Variants in VEGFC observed in about 807,000 individuals in gnomAD.
The protein encoded by VEGFC is FLT4 ligand DHM.
A neutral mutation model predicts 46.1 loss-of-function variants in VEGFC; 12 were observed. The ratio of observed to expected loss-of-function variants is 0.26; its 90% CI spans 0.17 to 0.42. VEGFC has a LOEUF of 0.42. Ranked by LOEUF, VEGFC falls within the 10% of genes least tolerant of loss-of-function variation. VEGFC has a pLI of 1.00. For missense variants in VEGFC, 488 were observed against 529.4 expected (o/e 0.92, Z 0.77); for synonymous variants, 232 against 195.5 (o/e 1.19, Z -1.56).
intron 5 of VEGFC, 135 bp from the exon 6 acceptor site, chr4:176,687,655 T>C: frequency 9.6e-7 from 1 of 1,041,928 alleles, no homozygotes; most frequent in Non-Finnish European, 1.4e-6. Context: ...GTATGTTCCT[T>C]TATAAAGGAG....
chr4:176,754,094 T>C (rs767002372), intron 1 of VEGFC, among the ~76,000 whole-genome samples: 3 of 152,008 alleles, frequency 2.0e-5, no homozygotes, highest in Non-Finnish European at 4.4e-5. Flanking sequence ...TAGAGAGTAA[T>C]TAGGCAGAAT....
chr4:176,792,268 G>A lies in VEGFC; in HGVS notation c.44C>T (p.Ala15Val). 1.9e-6 allele frequency: 3 copies of A among 1,554,650 alleles called. No homozygotes were observed. The highest frequency in any genetic ancestry group is 1.7e-6 in the Non-Finnish European group (2 of 1,152,704). The change falls in exon 1 of 7, where the codon GCC becomes GTC. Residue 15 changes from alanine to valine, a missense_variant. Coordinates refer to ENST00000618562, the MANE Select transcript of VEGFC (RefSeq NM_005429.5). This position sits in a 1 kb window ranked among gnomAD's most constrained non-coding sequence, Gnocchi z 6.3. ...GCGAGGACCCGGGAGCAGCGCAGCG[G>A]CGAGCAGAGAACACGCCACAGAGAA... ...GFFSVACSLL[A>V]AALLPGPREA...
intron 3 of VEGFC, among the ~76,000 whole-genome samples, chr4:176,721,894 G>C (rs1466018898): frequency 1.3e-5 from 2 of 152,060 alleles, no homozygotes; most frequent in African/African-American, 4.8e-5. Flanking sequence ...AAGTAGATGA[G>C]AAAATACAAG....
chr4:176,697,759 G>A (rs1473819125), intron 4 of VEGFC, among the ~76,000 whole-genome samples: 6 of 151,522 alleles, frequency 4.0e-5, no homozygotes, highest in African/African-American at 1.2e-4. Context: ...TGATAGACTG[G>A]ATTAAGAAAA....
At chr4:176,777,210 A>C (rs890243162) in intron 1 of VEGFC, among the ~76,000 whole-genome samples, 1 of 152,062 alleles carries the variant, frequency 6.6e-6, no homozygotes. Flanking sequence ...CCAGCTACTC[A>C]GGAGGCTGAG....
intron 4 of VEGFC, among the ~76,000 whole-genome samples, chr4:176,709,590 G>C (rs1221685730): frequency 2.6e-5 from 4 of 152,170 alleles, no homozygotes; most frequent in Non-Finnish European, 5.9e-5. Context: ...GCCAGGGCCA[G>C]AATAGAAACA....
Position 176,729,467 on chromosome 4 carries a change from C to T in VEGFC, c.361+66G>A, listed in dbSNP as rs950785022. On this transcript the variant is annotated intron_variant, in intron 2 of 6. Coordinates refer to ENST00000618562, the MANE Select transcript of VEGFC (RefSeq NM_005429.5). ...TGATACAAACACTGAAATTAAAGAACCAGGCTGGCAACTTCTACTGGTTTG... is the reference window on the plus strand; with the variant it reads ...TGATACAAACACTGAAATTAAAGAATCAGGCTGGCAACTTCTACTGGTTTG... 2.8e-6 allele frequency: 4 copies of T among 1,412,956 alleles called. No individual in the cohort carries two copies. The African/African-American group carries it at 5.8e-5, about 20-fold the overall frequency. 87.5% of individuals were successfully genotyped at this position (1,412,956 alleles called of 1,614,324 possible).
rs66870525 is a variant in VEGFC at position 176,784,063 on chromosome 4, G to GTTTTTT, written c.147+8096_147+8101dup. Among the ~76,000 whole-genome samples the GTTTTTT allele has an allele frequency of 1.5e-4, 7 of 45,884 alleles. 1 individual carries two copies. Among genetic ancestry groups the GTTTTTT allele is most frequent in the South Asian group, 1.0e-3 (1 of 958 alleles). 30.1% of individuals were successfully genotyped at this position (45,884 alleles called of 152,430 possible). On this transcript the variant is annotated intron_variant, in intron 1 of 6. Coordinates refer to ENST00000618562, the MANE Select transcript of VEGFC (RefSeq NM_005429.5). ...AGGGCTTTATATGTATGCACATGCTGTTTTTTTTTTTTTTTTTTTGAAACA... is the reference window on the plus strand; with the variant it reads ...AGGGCTTTATATGTATGCACATGCTGTTTTTTTTTTTTTTTTTTTTTTTTTGAAACA...
intron 3 of VEGFC, among the ~76,000 whole-genome samples, chr4:176,722,489 T>TC (rs1734804989): frequency 5.4e-5 from 1 of 18,614 alleles, no homozygotes; most frequent in Admixed American, 1.1e-3. Flanking sequence ...TTTTCTTTTG[T>TC]TTTTTTTTTG....
intron 1 of VEGFC, among the ~76,000 whole-genome samples, chr4:176,758,896 C>T (rs1339962687): frequency 6.6e-6 from 1 of 152,130 alleles, no homozygotes; most frequent in Non-Finnish European, 1.5e-5. Flanking sequence ...TGTTATTTAG[C>T]TTCCAGTGGC....
chr4:176,744,540 T>G (rs1028277220), intron 1 of VEGFC, among the ~76,000 whole-genome samples: 7 of 152,022 alleles, frequency 4.6e-5, no homozygotes, highest in Non-Finnish European at 1.0e-4. Context: ...TGTTCCTGTA[T>G]AGCCTTAGGA....
Position 176,792,605 on chromosome 4 carries a change from C to T in VEGFC, c.-294G>A, listed in dbSNP as rs949624016. 3.4e-6 allele frequency: 1 copy of T among 296,526 alleles called. No homozygotes were observed. The highest frequency in any genetic ancestry group is 6.2e-6 in the Non-Finnish European group (1 of 161,922). 18.4% of individuals were successfully genotyped at this position (296,526 alleles called of 1,614,324 possible). ...CGGAGCCCGCGAGGTGAAGCGAGGG[C>T]GAGGGAGGACGCCGCCGCGGTCCGC... On this transcript the variant is annotated 5_prime_UTR_variant, in exon 1 of 7. Transcript: ENST00000618562. This position sits in a 1 kb window ranked among gnomAD's most constrained non-coding sequence, Gnocchi z 6.3.
At chr4:176,710,998 TAAG>T (rs755197287) in intron 4 of VEGFC, among the ~76,000 whole-genome samples, 2 of 152,048 alleles carry the variant, frequency 1.3e-5, no homozygotes, top group Non-Finnish European at 2.9e-5. Context: ...ATTGCTGAAA[TAAG>T]AAACATGGAG....
At chr4:176,684,578 CAG>C (rs1188874373) in intron 6 of VEGFC, among the ~76,000 whole-genome samples, 3 of 152,164 alleles carry the variant, frequency 2.0e-5, no homozygotes, top group African/African-American at 7.2e-5. Context: ...CCAGGTGAAA[CAG>C]AGGCATTCTG....
In VEGFC at chr4:176,683,684, A is replaced by G. The variant is rs886678063; in HGVS notation, c.*242T>C. ...AAATAAATTATATAGTCATTCTTTTAAAGAAATCACAAGAGGAAAATCTTG... is the reference window on the plus strand; with the variant it reads ...AAATAAATTATATAGTCATTCTTTTGAAGAAATCACAAGAGGAAAATCTTG... On this transcript the variant is annotated 3_prime_UTR_variant, in exon 7 of 7. Transcript: ENST00000618562. The G allele has an allele frequency of 1.5e-5, 5 of 332,490 alleles. No individual in the cohort carries two copies. The highest frequency in any genetic ancestry group is 4.2e-5 in the African/African-American group (2 of 47,544). The allele number at this position is 332,490 out of a possible 1,614,324, so 20.6% of individuals were successfully genotyped here.
At chr4:176,786,660 G>C (rs1372174996) in intron 1 of VEGFC, among the ~76,000 whole-genome samples, 1 of 152,166 alleles carries the variant, frequency 6.6e-6, no homozygotes, top group African/African-American at 2.4e-5. Flanking sequence ...TTATAGACAA[G>C]ATCACTCACT....
At chr4:176,732,772 A>C (rs1184580691) in intron 1 of VEGFC, among the ~76,000 whole-genome samples, 1 of 151,868 alleles carries the variant, frequency 6.6e-6, no homozygotes, top group East Asian at 1.9e-4. Flanking sequence ...AGATGAAGCA[A>C]AGTTTTCTTA....
chr4:176,716,898 CTTTA>C (rs1280924571), intron 3 of VEGFC, among the ~76,000 whole-genome samples: 1 of 150,488 alleles, frequency 6.6e-6, no homozygotes, highest in Non-Finnish European at 1.5e-5. Flanking sequence ...CTATTTTGTG[CTTTA>C]TTGTGTATAT....
intron 1 of VEGFC, among the ~76,000 whole-genome samples, chr4:176,734,211 C>T (rs188383565): frequency 7.2e-5 from 11 of 151,802 alleles, no homozygotes; most frequent in Non-Finnish European, 1.0e-4. Flanking sequence ...ACTTCTATTG[C>T]TTTATGTTTT....
Sources: allele counts gnomAD v4.1 joint callset (sites outside exome capture counted in the v4.1 genomes callset), GRCh38; gene constraint gnomAD v4.1.1; non-coding constraint Gnocchi (gnomAD v3.1); transcripts MANE v1.5; gene names NCBI Gene and HGNC (gene_info 2026-07-23, HGNC 2026-07-21).